Variants in MACROD2 observed in about 807,000 individuals in gnomAD.
MACROD2 encodes mono-ADP ribosylhydrolase 2.
A neutral mutation model predicts 70.4 loss-of-function variants in MACROD2; 36 were observed. That is an observed-to-expected ratio of 0.51 (90% confidence interval 0.39 to 0.68). The LOEUF is 0.68. Among genes scored for constraint, MACROD2 ranks in the 30% least tolerant of loss-of-function variants. MACROD2 has a pLI of 0.00. For synonymous variants in MACROD2, 172 were observed against 178.8 expected (o/e 0.96, Z 0.30); for missense variants, 496 against 538.4 (o/e 0.92, Z 0.78).
intron 3 of MACROD2, among the ~76,000 whole-genome samples, chr20:14,114,935 C>G (rs1398525295): frequency 6.6e-6 from 1 of 152,138 alleles, no homozygotes; most frequent in Non-Finnish European, 1.5e-5. Context: ...TCTCAAATCC[C>G]TTTTCTGAGT....
rs181161498 is a variant in MACROD2 at position 15,423,766 on chromosome 20, G to A, written c.541-7639G>A. ...ATCATATTGGGAATTAGGTTTCAGC[G>A]TATGGATTTAGGGCATGGACACAAC... On this transcript the variant is annotated intron_variant, in intron 6 of 17. Coordinates refer to ENST00000684519, the MANE Select transcript of MACROD2 (RefSeq NM_001351661.2). 1.2e-3 allele frequency among the ~76,000 whole-genome samples: 180 copies of A among 151,850 alleles called. 1 individual carries two copies. Among genetic ancestry groups the A allele is most frequent in the Non-Finnish European group, 1.9e-3 (131 of 67,936 alleles).
intron 4 of MACROD2, among the ~76,000 whole-genome samples, chr20:14,659,762 T>TA (rs1986140140): frequency 6.6e-6 from 1 of 152,170 alleles, no homozygotes; most frequent in East Asian, 1.9e-4. Context: ...TTGCCTCACT[T>TA]AGAGCTCCTT....
chr20:15,611,391 C>T (rs1013133254), intron 8 of MACROD2, among the ~76,000 whole-genome samples: 3 of 152,160 alleles, frequency 2.0e-5, no homozygotes, highest in East Asian at 1.9e-4. Flanking sequence ...TTCCTCTGCA[C>T]ATCATTTAAT....
At chr20:15,059,864 T>G (rs574681535) in intron 5 of MACROD2, among the ~76,000 whole-genome samples, 2 of 152,314 alleles carry the variant, frequency 1.3e-5, no homozygotes, top group Admixed American at 1.3e-4. Flanking sequence ...GCTAAGTAAT[T>G]TCCTTTCAAT....
intron 3 of MACROD2, among the ~76,000 whole-genome samples, chr20:14,257,952 C>T (rs186209560): frequency 1.1e-4 from 16 of 152,158 alleles, no homozygotes; most frequent in Non-Finnish European, 2.2e-4. Flanking sequence ...ATCCTCATAG[C>T]TTGGCTCCCA....
At chr20:15,730,814 G>C (rs1218518436) in intron 8 of MACROD2, among the ~76,000 whole-genome samples, 1 of 149,512 alleles carries the variant, frequency 6.7e-6, no homozygotes, top group Non-Finnish European at 1.5e-5. Flanking sequence ...CTCTCTTTCA[G>C]GTCTGACAAT....
chr20:14,123,038 A>C (rs925589084), intron 3 of MACROD2, among the ~76,000 whole-genome samples: 1 of 152,170 alleles, frequency 6.6e-6, no homozygotes, highest in African/African-American at 2.4e-5. Context: ...GTTCTGTAGT[A>C]TGGTACCACA....
chr20:14,371,899 C>T (rs1035634445), intron 3 of MACROD2, among the ~76,000 whole-genome samples: 2 of 151,948 alleles, frequency 1.3e-5, no homozygotes, highest in East Asian at 3.9e-4. Flanking sequence ...TACTCGAGGG[C>T]CTTTTCTGAC....
In MACROD2 at chr20:13,995,584, C is replaced by G. The variant is rs2052624541; in HGVS notation, c.-180C>G. On this transcript the variant is annotated 5_prime_UTR_variant, in exon 1 of 18. Coordinates refer to ENST00000684519, the MANE Select transcript of MACROD2 (RefSeq NM_001351661.2). The surrounding 1 kb of genome is among the most constrained non-coding windows in gnomAD (Gnocchi z 4.3). ...GGCGGGTGGGAGCCGGAGCCGAGCGCGGGCTGAGGGAGGAGGGCGGCGACT... is the reference window on the plus strand; with the variant it reads ...GGCGGGTGGGAGCCGGAGCCGAGCGGGGGCTGAGGGAGGAGGGCGGCGACT... The G allele has an allele frequency of 2.9e-6, 2 of 682,456 alleles. No individual in the cohort carries two copies. Among genetic ancestry groups the G allele is most frequent in the Non-Finnish European group, 5.4e-6 (2 of 373,580 alleles). The allele number at this position is 682,456 out of a possible 1,614,324, so 42.3% of individuals were successfully genotyped here.
At chr20:15,746,087 T>C (rs1240851978) in intron 8 of MACROD2, among the ~76,000 whole-genome samples, 1 of 152,180 alleles carries the variant, frequency 6.6e-6, no homozygotes, top group Non-Finnish European at 1.5e-5. Flanking sequence ...TTGATTAGGA[T>C]TGCCTTAACT....
intron 3 of MACROD2, among the ~76,000 whole-genome samples, chr20:14,179,680 G>C (rs1192486035): frequency 6.6e-6 from 1 of 152,124 alleles, no homozygotes; most frequent in Non-Finnish European, 1.5e-5. Flanking sequence ...AAATATGTTG[G>C]AAATAGGCTT....
chr20:15,460,988 A>ATG (rs1301798330), intron 7 of MACROD2, among the ~76,000 whole-genome samples: 1 of 78,278 alleles, frequency 1.3e-5, no homozygotes, highest in African/African-American at 5.2e-5. Context: ...ATATATATAT[A>ATG]TATATATATA....
chr20:14,118,803 T>TA (rs2054544443), intron 3 of MACROD2, among the ~76,000 whole-genome samples: 3 of 151,744 alleles, frequency 2.0e-5, no homozygotes, highest in African/African-American at 7.3e-5. Context: ...AGTATTGAAC[T>TA]AAAAAGCATG....
At chr20:15,086,034 G>A (rs2123149063) in intron 5 of MACROD2, among the ~76,000 whole-genome samples, 1 of 152,088 alleles carries the variant, frequency 6.6e-6, no homozygotes, top group Middle Eastern at 3.4e-3. Flanking sequence ...CAGATCTACT[G>A]AATTAGAACC....
chr20:14,659,608 C>G (rs1034843292), intron 4 of MACROD2, among the ~76,000 whole-genome samples: 1 of 152,106 alleles, frequency 6.6e-6, no homozygotes, highest in African/African-American at 2.4e-5. Flanking sequence ...CTCTACCCTC[C>G]TCAGGTTACA....
chr20:14,981,355 A>C (rs1350835081), intron 5 of MACROD2, among the ~76,000 whole-genome samples: 2 of 150,460 alleles, frequency 1.3e-5, no homozygotes, highest in African/African-American at 4.9e-5. Flanking sequence ...CTTTTCCTTC[A>C]TTTTAGCTTA....
intron 6 of MACROD2, among the ~76,000 whole-genome samples, chr20:15,376,383 A>T (rs989048947): frequency 1.3e-5 from 2 of 152,188 alleles, no homozygotes; most frequent in Non-Finnish European, 2.9e-5. Flanking sequence ...GATGGGGAAG[A>T]AGGACAGACC....
chr20:14,996,724 T>C (rs2074953046), intron 5 of MACROD2, among the ~76,000 whole-genome samples: 1 of 152,114 alleles, frequency 6.6e-6, no homozygotes, highest in Non-Finnish European at 1.5e-5. Context: ...GGACTTTACA[T>C]TGCAACTCAG....
chr20:15,663,171 T>C (rs2049845647), intron 8 of MACROD2, among the ~76,000 whole-genome samples: 1 of 151,524 alleles, frequency 6.6e-6, no homozygotes, highest in Non-Finnish European at 1.5e-5. Context: ...AATGGGGAAA[T>C]GGATGAATGA....
Sources: gnomAD v4.1 joint callset for allele counts (sites outside exome capture counted in the v4.1 genomes callset) on GRCh38, gnomAD v4.1.1 for gene constraint, Gnocchi (gnomAD v3.1) non-coding constraint, MANE v1.5 for transcripts, NCBI Gene and HGNC (gene_info 2026-07-23, HGNC 2026-07-21) for gene names.